Variants in ATP2C1 observed in about 807,000 individuals in gnomAD.
The protein encoded by ATP2C1 is calcium-transporting ATPase type 2C member 1.
Under a neutral mutation model 120.5 loss-of-function variants are expected in ATP2C1, and 31 were observed. The ratio of observed to expected loss-of-function variants is 0.26; its 90% CI spans 0.19 to 0.35. The LOEUF (loss-of-function observed/expected upper bound fraction) is 0.35, where lower values mean the gene tolerates loss of function less well. Among genes scored for constraint, ATP2C1 ranks in the 10% least tolerant of loss-of-function variants. The pLI is 1.00. For synonymous variants in ATP2C1, 351 were observed against 358.7 expected, an observed-to-expected ratio of 0.98 and a Z score of 0.24; for missense variants, 731 against 1,107.5, an observed-to-expected ratio of 0.66 and a Z score of 4.83.
At position 130,882,259 on chromosome 3, in the gene ATP2C1, G is replaced by A. The variant is rs143750009; in HGVS notation, c.108+31331G>A. On this transcript the variant is annotated intron_variant, in intron 1 of 26. Coordinates refer to the ATP2C1 transcript ENST00000504381. The stretch of plus-strand genomic sequence containing the variant: ...GTTGCCCAGGCTGGAATGCAGTGGC[G>A]CGACCTTGGATCACTACAACCTCCA... Among the ~76,000 whole-genome samples, 1,165 of 150,386 alleles carry A rather than the reference G, an allele frequency of 7.7e-3. 24 individuals are homozygous for A. Among genetic ancestry groups the A allele is most frequent in the African/African-American group, 0.026 (1,071 of 40,828 alleles).
chr3:130,879,019 A>G (rs550541549), intron 1 of ATP2C1, among the ~76,000 whole-genome samples: 102 of 152,288 alleles, frequency 6.7e-4, no homozygotes, highest in Non-Finnish European at 1.1e-3. Flanking sequence ...TTGAAACTAT[A>G]TAAGTATTGT....
At chr3:130,954,864 A>G in intron 9 of ATP2C1, 148 bp from the exon 10 acceptor site, 2 of 673,004 alleles carry the variant, frequency 3.0e-6, no homozygotes, top group East Asian at 2.7e-5. Flanking sequence ...AACATAAAAA[A>G]GTAAATTTGC....
At chr3:130,938,084 A>C (rs2059745674) in intron 6 of ATP2C1, among the ~76,000 whole-genome samples, 1 of 152,222 alleles carries the variant, frequency 6.6e-6, no homozygotes, top group South Asian at 2.1e-4. Flanking sequence ...ATTCCTCCAC[A>C]AAAGGGGTGT....
intron 17 of ATP2C1, among the ~76,000 whole-genome samples, chr3:130,974,437 A>G (rs981708508): frequency 1.3e-5 from 2 of 152,228 alleles, no homozygotes; most frequent in Non-Finnish European, 2.9e-5. Flanking sequence ...CTACATTTCC[A>G]TTTGGAAGTG....
chr3:130,996,631 C>T (rs1264522361), intron 23 of ATP2C1, 49 bp from the exon 24 acceptor site: 3 of 1,231,794 alleles, frequency 2.4e-6, no homozygotes, highest in Non-Finnish European at 3.6e-6. Context: ...ATCATAGAAT[C>T]AACAGATTTA....
At chr3:130,905,506 G>A (rs2058081499) in intron 2 of ATP2C1, among the ~76,000 whole-genome samples, 1 of 152,052 alleles carries the variant, frequency 6.6e-6, no homozygotes, top group Non-Finnish European at 1.5e-5. Flanking sequence ...TCATTCCCTG[G>A]TGAGAAACAC....
At chr3:131,011,020 T>G (rs565998457) in intron 26 of ATP2C1, among the ~76,000 whole-genome samples, 2 of 152,252 alleles carry the variant, frequency 1.3e-5, no homozygotes, top group South Asian at 2.1e-4. Flanking sequence ...TGGACTGTTA[T>G]AATCCTTATT....
At chr3:130,909,906 A>C (rs1044570509) in intron 2 of ATP2C1, among the ~76,000 whole-genome samples, 1 of 151,942 alleles carries the variant, frequency 6.6e-6, no homozygotes, top group Non-Finnish European at 1.5e-5. Context: ...GGGTCTCACT[A>C]TGTTGCCCAG....
chr3:131,004,224 CT>C (rs1336457327), downstream of ATP2C1, among the ~76,000 whole-genome samples: 1 of 152,206 alleles, frequency 6.6e-6, no homozygotes, highest in Non-Finnish European at 1.5e-5. Context: ...ATTTGAAAAT[CT>C]TTGAAGTGCT....
At chr3:130,966,163 T>C (rs925043311) in intron 14 of ATP2C1, among the ~76,000 whole-genome samples, 2 of 152,118 alleles carry the variant, frequency 1.3e-5, no homozygotes, top group African/African-American at 4.8e-5. Flanking sequence ...CTTGGGTTTA[T>C]TTACGTCCAT....
chr3:130,969,586 T>C (rs1357425211), intron 17 of ATP2C1, among the ~76,000 whole-genome samples, 190 bp downstream of exon 17: 2 of 152,224 alleles, frequency 1.3e-5, no homozygotes, highest in South Asian at 2.1e-4. Flanking sequence ...ATAGAATCCA[T>C]GCATAGATAT....
Position 130,969,322 on chromosome 3 carries a change from A to G in ATP2C1, c.1339A>G (p.Ile447Val). The change falls in exon 17 of 28, where the codon ATC becomes GTC. Residue 447 changes from isoleucine to valine, a missense_variant. Transcript: ENST00000510168. ...MGLDGLQQDY[I>V]RKAEYPFSSE... Reference sequence around the variant, plus strand: ...TCTTGATGGACTTCAACAAGACTACATCAGAAAAGCTGAATACCCTTTTAG... The same window carrying G: ...TCTTGATGGACTTCAACAAGACTACGTCAGAAAAGCTGAATACCCTTTTAG... 1.2e-6 allele frequency: 2 copies of G among 1,613,974 alleles called. No homozygotes were observed. Among genetic ancestry groups the G allele is most frequent in the Non-Finnish European group, 1.7e-6 (2 of 1,179,886 alleles).
At chr3:131,013,459 C>T (rs2063419653) in intron 26 of ATP2C1, among the ~76,000 whole-genome samples, 1 of 152,158 alleles carries the variant, frequency 6.6e-6, no homozygotes. Flanking sequence ...TCACTGTTTC[C>T]TCCTTCTCCA....
chr3:130,977,127 G>A (rs1211092363), intron 18 of ATP2C1, among the ~76,000 whole-genome samples: 11 of 152,078 alleles, frequency 7.2e-5, no homozygotes, highest in Admixed American at 6.5e-4. Context: ...CTGCAGGGAG[G>A]CCTTGCTGCC....
intron 11 of ATP2C1, among the ~76,000 whole-genome samples, chr3:130,957,872 T>C (rs2060648841): frequency 1.3e-5 from 2 of 152,226 alleles, no homozygotes; most frequent in African/African-American, 2.4e-5. Context: ...AATACAATAT[T>C]AGTTGAAATA....
chr3:130,973,504 T>C (rs2061418697), intron 17 of ATP2C1, among the ~76,000 whole-genome samples: 1 of 152,142 alleles, frequency 6.6e-6, no homozygotes, highest in Admixed American at 6.5e-5. Flanking sequence ...CCGTGTTTTT[T>C]TCGATCCGGT....
intron 2 of ATP2C1, among the ~76,000 whole-genome samples, chr3:130,900,198 G>T (rs529241292): frequency 6.6e-6 from 1 of 152,104 alleles, no homozygotes; most frequent in South Asian, 2.1e-4. Flanking sequence ...GAGTAGCTGG[G>T]ATTATAAGCA....
At chr3:130,864,392 A>T (rs1478706804) in intron 1 of ATP2C1, among the ~76,000 whole-genome samples, 1 of 152,262 alleles carries the variant, frequency 6.6e-6, no homozygotes, top group African/African-American at 2.4e-5. Flanking sequence ...GCAGAGCATA[A>T]AAGTTTGGAA....
In ATP2C1 at chr3:131,002,891, G is replaced by A; in HGVS notation, c.*1541G>A. 1.0e-6 allele frequency: 1 copy of A among 985,808 alleles called. No homozygotes were observed. Among genetic ancestry groups the A allele is most frequent in the South Asian group, 4.7e-5 (1 of 21,286 alleles). The allele number at this position is 985,808 out of a possible 1,614,324, so 61.1% of individuals were successfully genotyped here. The stretch of plus-strand genomic sequence containing the variant: ...CTACTTAACCCTTTAAGGCTGAATT[G>A]TCAAATGTACATTGTTCCATGTCGT... On this transcript the variant is annotated 3_prime_UTR_variant, in exon 28 of 28. Transcript: ENST00000510168.
Sources: gnomAD v4.1 joint callset for allele counts (sites outside exome capture counted in the v4.1 genomes callset) on GRCh38, gnomAD v4.1.1 for gene constraint, MANE v1.5 for transcripts, NCBI Gene and HGNC (gene_info 2026-07-23, HGNC 2026-07-21) for gene names.